Variants in GRAMD4 observed in about 807,000 individuals in gnomAD.
The protein encoded by GRAMD4 is GRAM domain containing 4, also known as GRAM domain-containing protein 4.
A neutral mutation model predicts 83.9 loss-of-function variants in GRAMD4; 25 were observed. The ratio of observed to expected loss-of-function variants is 0.30; its 90% CI spans 0.22 to 0.42. The LOEUF (loss-of-function observed/expected upper bound fraction) is 0.42, where lower values mean the gene tolerates loss of function less well. Ranked by LOEUF, GRAMD4 falls within the 10% of genes least tolerant of loss-of-function variation. The pLI, the probability that GRAMD4 is intolerant of heterozygous loss-of-function variation, is 1.00. For missense variants in GRAMD4, 593 were observed against 788.7 expected, an observed-to-expected ratio of 0.75 and a Z score of 2.97; for synonymous variants, 336 against 320.9, an observed-to-expected ratio of 1.05 and a Z score of -0.50.
At chr22:46,628,313 C>G (rs568802549) in intron 2 of GRAMD4, among the ~76,000 whole-genome samples, 2 of 152,328 alleles carry the variant, frequency 1.3e-5, no homozygotes, top group African/African-American at 4.8e-5. Flanking sequence ...CTGTCCTTGT[C>G]CCCTGGTGTG....
rs941111682 is a variant in GRAMD4 at position 46,622,140 on chromosome 22, A to T, written c.-50+1575A>T. Among the ~76,000 whole-genome samples the T allele has an allele frequency of 1.3e-5, 2 of 152,052 alleles. No homozygotes were observed. The highest frequency in any genetic ancestry group is 2.9e-5 in the Non-Finnish European group (2 of 68,008). ...ACTCAGGGCCTTTGTCCCCTCTCTCATTGCCTCATTTGCTTGCCTGAGGTG... is the reference window on the plus strand; with the variant it reads ...ACTCAGGGCCTTTGTCCCCTCTCTCTTTGCCTCATTTGCTTGCCTGAGGTG... On this transcript the variant is annotated intron_variant, in intron 1 of 18. Transcript: ENST00000406902. The surrounding 1 kb of genome is among the most constrained non-coding windows in gnomAD (Gnocchi z 4.0).
chr22:46,584,556 T>C (rs944777403), intron 1 of GRAMD4, among the ~76,000 whole-genome samples: 1 of 152,108 alleles, frequency 6.6e-6, no homozygotes, highest in Non-Finnish European at 1.5e-5. Flanking sequence ...ATCTACTTAA[T>C]TGTTAGTACC....
At chr22:46,600,534 G>A (rs2081302416) in intron 1 of GRAMD4, among the ~76,000 whole-genome samples, 1 of 152,186 alleles carries the variant, frequency 6.6e-6, no homozygotes. Context: ...GTGGAGAGCA[G>A]GGTCCTTACC....
chr22:46,585,063 C>T (rs943130972), intron 1 of GRAMD4, among the ~76,000 whole-genome samples: 5 of 152,214 alleles, frequency 3.3e-5, no homozygotes, highest in Admixed American at 1.3e-4. Flanking sequence ...TTCAGGAATG[C>T]GTCAGGCCCT....
chr22:46,613,955 C>A (rs1025680953), intron 1 of GRAMD4, among the ~76,000 whole-genome samples: 1 of 152,198 alleles, frequency 6.6e-6, no homozygotes, highest in African/African-American at 2.4e-5. Context: ...GAGCCCTGTG[C>A]CCTCATGGCC....
intron 4 of GRAMD4, among the ~76,000 whole-genome samples, chr22:46,658,961 G>A (rs957803495): frequency 1.3e-5 from 2 of 152,088 alleles, no homozygotes; most frequent in Admixed American, 1.3e-4. Context: ...CCTGCCCTGC[G>A]CCTCACAGTG....
At chr22:46,637,552 T>C (rs2081909046) in intron 2 of GRAMD4, among the ~76,000 whole-genome samples, 1 of 152,184 alleles carries the variant, frequency 6.6e-6, no homozygotes, top group African/African-American at 2.4e-5. Context: ...ATTTTTAAGA[T>C]ATTTCTTAAA....
intron 1 of GRAMD4, among the ~76,000 whole-genome samples, chr22:46,605,742 GCA>G (rs2081358482): frequency 6.6e-6 from 1 of 151,644 alleles, no homozygotes; most frequent in Non-Finnish European, 1.5e-5. Flanking sequence ...CCGGTGCTGA[GCA>G]TCTCTGCATG....
downstream of GRAMD4, among the ~76,000 whole-genome samples, chr22:46,681,497 C>T (rs541607244): frequency 3.3e-5 from 5 of 152,312 alleles, 1 homozygote; most frequent in African/African-American, 7.2e-5. Context: ...CGGCATCTCT[C>T]GGCTGTACCT....
chr22:46,584,854 C>T (rs367614212), intron 1 of GRAMD4, among the ~76,000 whole-genome samples: 11 of 152,324 alleles, frequency 7.2e-5, no homozygotes, highest in East Asian at 3.9e-4. Flanking sequence ...TGACTTAGAA[C>T]GCATCCCAGA....
chr22:46,656,844 C>T lies in GRAMD4; in HGVS notation c.284-1343C>T, dbSNP rs16995520. ...TTTATAAGGTCTCAGCGTGTCCGCCCCATGGTCAGTGTGGTCTGTGCAGTT... is the reference window on the plus strand; with the variant it reads ...TTTATAAGGTCTCAGCGTGTCCGCCTCATGGTCAGTGTGGTCTGTGCAGTT... On this transcript the variant is annotated intron_variant, in intron 3 of 18. Transcript: ENST00000406902. Among the ~76,000 whole-genome samples the T allele has an allele frequency of 6.7e-3, 1,027 of 152,354 alleles. 11 individuals carry two copies. Among genetic ancestry groups the T allele is most frequent in the African/African-American group, 0.024 (979 of 41,566 alleles).
At chr22:46,664,816 C>G (rs1212075731) in intron 8 of GRAMD4, among the ~76,000 whole-genome samples, 1 of 152,232 alleles carries the variant, frequency 6.6e-6, no homozygotes, top group East Asian at 1.9e-4. Flanking sequence ...CTCCCAAAGG[C>G]AGCACTGCCC....
intron 4 of GRAMD4, among the ~76,000 whole-genome samples, chr22:46,658,979 C>A (rs2147330978): frequency 6.6e-6 from 1 of 152,274 alleles, no homozygotes; most frequent in Admixed American, 6.5e-5. Context: ...GTGCCGCCAG[C>A]AGGAAGCAGG....
Position 46,659,996 on chromosome 22 carries a change from G to T in GRAMD4, c.405-1385G>T, listed in dbSNP as rs531097107. Among the ~76,000 whole-genome samples the T allele has an allele frequency of 1.3e-5, 2 of 152,310 alleles. No homozygotes were observed. Among genetic ancestry groups the T allele is most frequent in the African/African-American group, 4.8e-5 (2 of 41,570 alleles). ...TGGCCACAGTGCCATCCCCGCCACG[G>T]GACGCTGCTTCTCCCCCGGTGGCTA... On this transcript the variant is annotated intron_variant, in intron 4 of 18. Transcript: ENST00000406902. This position sits in a 1 kb window ranked among gnomAD's most constrained non-coding sequence, Gnocchi z 4.1.
chr22:46,625,369 G>T (rs1414649709), intron 1 of GRAMD4, among the ~76,000 whole-genome samples: 1 of 152,200 alleles, frequency 6.6e-6, no homozygotes, highest in East Asian at 1.9e-4. Flanking sequence ...TTTGGGGGCG[G>T]GGCAGGCATG....
At chr22:46,635,567 G>A (rs28703965) in intron 2 of GRAMD4, among the ~76,000 whole-genome samples, 376 of 1,170 alleles carry the variant, frequency 0.32, 19 homozygotes, top group East Asian at 1. Context: ...CCCTGCCCCC[G>A]CCCCCGGCCA....
chr22:46,630,360 T>C (rs1416377323), intron 2 of GRAMD4, among the ~76,000 whole-genome samples: 1 of 152,150 alleles, frequency 6.6e-6, no homozygotes, highest in Non-Finnish European at 1.5e-5. Context: ...TGTGGGCGCT[T>C]GGGCAGTTCC....
At chr22:46,623,519 C>A (rs1193091938) in intron 1 of GRAMD4, among the ~76,000 whole-genome samples, 2 of 151,986 alleles carry the variant, frequency 1.3e-5, no homozygotes, top group African/African-American at 4.8e-5. Context: ...TCCTGAGTAG[C>A]TGGGACGCTT....
At chr22:46,611,019 A>C (rs1202779803) in intron 1 of GRAMD4, among the ~76,000 whole-genome samples, 1 of 152,070 alleles carries the variant, frequency 6.6e-6, no homozygotes, top group Admixed American at 6.5e-5. Flanking sequence ...GTTCGAGACC[A>C]GCCTGGCCAA....
Sources: allele counts gnomAD v4.1 joint callset (sites outside exome capture counted in the v4.1 genomes callset), GRCh38; gene constraint gnomAD v4.1.1; non-coding constraint Gnocchi (gnomAD v3.1); transcripts MANE v1.5; gene names NCBI Gene and HGNC (gene_info 2026-07-23, HGNC 2026-07-21).